MGAT4C: variants seen among roughly 807,000 people sequenced by gnomAD.
MGAT4C encodes MGAT4 family member C.
A neutral mutation model predicts 40.1 loss-of-function variants in MGAT4C; 19 were observed. That is an observed-to-expected ratio of 0.47 (90% CI 0.33 to 0.70). The LOEUF is 0.70. Ranked by LOEUF, MGAT4C falls within the 30% of genes least tolerant of loss-of-function variation. MGAT4C has a pLI of 0.02. For missense variants in MGAT4C, 491 were observed against 563.2 expected (o/e 0.87, Z 1.30); for synonymous variants, 181 against 187.1 (o/e 0.97, Z 0.27).
intron 2 of MGAT4C, among the ~76,000 whole-genome samples, chr12:86,461,743 T>A (rs764948455): frequency 3.3e-5 from 5 of 152,282 alleles, no homozygotes; most frequent in African/African-American, 1.2e-4. Context: ...TCTTAAAAAA[T>A]TAAAATATAA....
chr12:86,655,848 A>G (rs555427597), intron 2 of MGAT4C, among the ~76,000 whole-genome samples: 51 of 152,090 alleles, frequency 3.4e-4, no homozygotes, highest in Non-Finnish European at 4.6e-4. Flanking sequence ...TACTTGAATT[A>G]AAAAGTTTTA....
intron 1 of MGAT4C, among the ~76,000 whole-genome samples, chr12:86,160,899 C>CT (rs1199708488): frequency 6.6e-6 from 1 of 152,002 alleles, no homozygotes. Flanking sequence ...CCAACTCCTG[C>CT]TTTTTTGTGT....
chr12:86,830,716 G>GAAACAAAC (rs3050182), intron 1 of MGAT4C, among the ~76,000 whole-genome samples: 4,106 of 149,696 alleles, frequency 0.027, 90 homozygotes, highest in East Asian at 0.12. Context: ...GGCTCCTAAT[G>GAAACAAAC]AAACAAACAA....
At chr12:86,380,352 C>G (rs965047500) in intron 3 of MGAT4C, among the ~76,000 whole-genome samples, 2 of 152,076 alleles carry the variant, frequency 1.3e-5, no homozygotes, top group East Asian at 3.8e-4. Flanking sequence ...TAGACTTATT[C>G]TCTTAATAAT....
chr12:86,400,264 T>G (rs949826821), intron 3 of MGAT4C, among the ~76,000 whole-genome samples: 4 of 152,244 alleles, frequency 2.6e-5, no homozygotes, highest in Non-Finnish European at 5.9e-5. Context: ...TTATTCACAC[T>G]ATTACAATGT....
chr12:86,707,368 T>G (rs1950476339), intron 2 of MGAT4C, among the ~76,000 whole-genome samples: 2 of 152,132 alleles, frequency 1.3e-5, no homozygotes, highest in Non-Finnish European at 2.9e-5. Flanking sequence ...TGAGGTGGTC[T>G]CAGACGGAAA....
At chr12:86,056,751 T>C (rs1200589610) in intron 1 of MGAT4C, among the ~76,000 whole-genome samples, 2 of 152,126 alleles carry the variant, frequency 1.3e-5, no homozygotes, top group Non-Finnish European at 2.9e-5. Context: ...ATATACCCAG[T>C]AATAGGATCG....
chr12:86,096,471 C>T (rs1044452926), intron 1 of MGAT4C, among the ~76,000 whole-genome samples: 1 of 140,602 alleles, frequency 7.1e-6, no homozygotes, highest in Non-Finnish European at 1.5e-5. Flanking sequence ...CCCATTCCAT[C>T]TTCTAATTAT....
intron 1 of MGAT4C, among the ~76,000 whole-genome samples, chr12:86,073,822 A>C (rs1869095849): frequency 6.6e-6 from 1 of 152,200 alleles, no homozygotes; most frequent in African/African-American, 2.4e-5. Flanking sequence ...GTCTCAGATA[A>C]GACTACGGAC....
At chr12:86,110,296 C>CTATATA (rs375212206) in intron 1 of MGAT4C, among the ~76,000 whole-genome samples, 4 of 18,936 alleles carry the variant, frequency 2.1e-4, no homozygotes, top group Admixed American at 7.8e-4. Flanking sequence ...TATATATAGT[C>CTATATA]TCTCTATATA....
chr12:86,798,898 G>GT (rs941311935), intron 1 of MGAT4C, among the ~76,000 whole-genome samples: 15 of 151,936 alleles, frequency 9.9e-5, no homozygotes, highest in African/African-American at 3.1e-4. Context: ...AGCAAATGAT[G>GT]TAAGAGTTGC....
chr12:86,000,312 C>T (rs986685736), intron 2 of MGAT4C, among the ~76,000 whole-genome samples: 3 of 151,694 alleles, frequency 2.0e-5, no homozygotes, highest in African/African-American at 4.8e-5. Context: ...TCAAAAAGAT[C>T]AATAAAATAT....
chr12:86,701,228 A>G (rs748037333), intron 2 of MGAT4C, among the ~76,000 whole-genome samples: 1 of 152,028 alleles, frequency 6.6e-6, no homozygotes, highest in South Asian at 2.1e-4. Context: ...TCACTTGTAG[A>G]TGTTACTTTT....
At chr12:86,828,157 T>G (rs1374520713) in intron 1 of MGAT4C, among the ~76,000 whole-genome samples, 3 of 150,266 alleles carry the variant, frequency 2.0e-5, no homozygotes, top group Admixed American at 6.6e-5. Flanking sequence ...GAATAAAATA[T>G]TATGGTAAAG....
chr12:86,523,969 T>C (rs1958837756), intron 2 of MGAT4C, among the ~76,000 whole-genome samples: 1 of 152,190 alleles, frequency 6.6e-6, no homozygotes, highest in African/African-American at 2.4e-5. Flanking sequence ...ATTTTGAGAC[T>C]ATGTGTGTTA....
chr12:86,185,545 C>CAAAA (rs1181749783), intron 1 of MGAT4C, among the ~76,000 whole-genome samples: 1 of 151,914 alleles, frequency 6.6e-6, no homozygotes, highest in Admixed American at 6.6e-5. Flanking sequence ...TGATAACAAA[C>CAAAA]AAAAAAGAGC....
intron 2 of MGAT4C, among the ~76,000 whole-genome samples, chr12:86,603,214 T>C (rs1042883404): frequency 2.1e-5 from 3 of 144,472 alleles, no homozygotes; most frequent in Admixed American, 7.2e-5. Context: ...TAATACTATA[T>C]AGTATAATAT....
chr12:86,774,297 T>TTCTTTC (rs1565981322), intron 1 of MGAT4C, among the ~76,000 whole-genome samples: 3 of 32,698 alleles, frequency 9.2e-5, no homozygotes, highest in African/African-American at 2.4e-4. Context: ...CTTTCTTTCT[T>TTCTTTC]TCTTTCTTTC....
intron 1 of MGAT4C, among the ~76,000 whole-genome samples, chr12:86,219,948 C>A (rs34211905): frequency 1.1e-4 from 17 of 152,110 alleles, no homozygotes; most frequent in African/African-American, 4.1e-4. Context: ...CCCTTCATGT[C>A]CTGCCAACTG....
Sources: allele counts gnomAD v4.1 joint callset (sites outside exome capture counted in the v4.1 genomes callset), GRCh38; gene constraint gnomAD v4.1.1; transcripts MANE v1.5; gene names NCBI Gene and HGNC (gene_info 2026-07-23, HGNC 2026-07-21).